WWOX: variants seen among roughly 807,000 people sequenced by gnomAD.
WWOX encodes WW domain containing oxidoreductase.
WWOX carries 69 observed loss-of-function variants against 46.2 expected under a neutral mutation model. The observed-to-expected ratio is 1.49, with a 90% CI of 1.23 to 1.82. The LOEUF is 1.82. Among genes scored for constraint, WWOX ranks in the 40% most tolerant of loss-of-function variants. The pLI is 0.00. For missense variants in WWOX, 919 were observed against 542.6 expected (o/e 1.69, Z -6.89); for synonymous variants, 359 against 202.6 (o/e 1.77, Z -6.56).
intron 8 of WWOX, among the ~76,000 whole-genome samples, chr16:78,620,066 T>G (rs1277663239): frequency 6.6e-6 from 1 of 152,152 alleles, no homozygotes; most frequent in African/African-American, 2.4e-5. Flanking sequence ...GAAGATCATC[T>G]CTAATTAATA....
intron 8 of WWOX, among the ~76,000 whole-genome samples, chr16:78,951,110 C>T (rs1352976803): frequency 2.0e-5 from 3 of 152,172 alleles, no homozygotes; most frequent in Admixed American, 6.5e-5. Flanking sequence ...ACAAACACAG[C>T]CCTAACTTGC....
At chr16:78,513,525 TCCAC>T (rs2085413914) in intron 8 of WWOX, among the ~76,000 whole-genome samples, 1 of 152,196 alleles carries the variant, frequency 6.6e-6, no homozygotes, top group Non-Finnish European at 1.5e-5. Context: ...TGGGTTGAAT[TCCAC>T]CTTGGGTTCA....
intron 5 of WWOX, among the ~76,000 whole-genome samples, chr16:78,288,159 A>C (rs2079800629): frequency 6.6e-6 from 1 of 152,176 alleles, no homozygotes; most frequent in East Asian, 1.9e-4. Context: ...TAGGTTTTTA[A>C]ATGAAAAACG....
At chr16:79,078,300 A>G (rs17648647) in intron 8 of WWOX, 1 of 151,996 alleles carries the variant, frequency 6.6e-6, no homozygotes, top group East Asian at 1.9e-4. Context: ...TAGGTTGACA[A>G]ATTCCCCTGA....
intron 5 of WWOX, among the ~76,000 whole-genome samples, chr16:78,325,131 C>T (rs1355004686): frequency 6.6e-6 from 1 of 152,134 alleles, no homozygotes; most frequent in Non-Finnish European, 1.5e-5. Context: ...GCTGTGGCAG[C>T]CTTTAAAGCT....
At chr16:78,717,213 T>C (rs942866356) in intron 8 of WWOX, among the ~76,000 whole-genome samples, 2 of 152,200 alleles carry the variant, frequency 1.3e-5, no homozygotes, top group Non-Finnish European at 2.9e-5. Context: ...GTGTGTTTTT[T>C]AAATTTAATT....
At chr16:78,971,643 T>A (rs576402649) in intron 8 of WWOX, among the ~76,000 whole-genome samples, 20 of 152,114 alleles carry the variant, frequency 1.3e-4, no homozygotes, top group African/African-American at 4.6e-4. Flanking sequence ...ATTGTTACAA[T>A]ATCCCTTATA....
At chr16:78,800,657 C>A (rs1168926956) in intron 8 of WWOX, among the ~76,000 whole-genome samples, 1 of 152,182 alleles carries the variant, frequency 6.6e-6, no homozygotes, top group Non-Finnish European at 1.5e-5. Context: ...AAGCTGAGAA[C>A]AGCAAAGATT....
intron 8 of WWOX, among the ~76,000 whole-genome samples, chr16:78,617,421 G>C (rs575882874): frequency 7.1e-6 from 1 of 140,092 alleles, no homozygotes; most frequent in Admixed American, 7.2e-5. Context: ...AAAAAAAAAA[G>C]TGACCACACT....
intron 8 of WWOX, among the ~76,000 whole-genome samples, chr16:78,537,515 T>A (rs1183395587): frequency 6.6e-6 from 1 of 152,206 alleles, no homozygotes; most frequent in Non-Finnish European, 1.5e-5. Flanking sequence ...ATCATATGAT[T>A]TACCTCTTCT....
intron 8 of WWOX, among the ~76,000 whole-genome samples, chr16:78,553,858 C>T (rs750858775): frequency 6.6e-5 from 10 of 151,906 alleles, no homozygotes; most frequent in Non-Finnish European, 1.2e-4. Flanking sequence ...TGTGGCTGCC[C>T]GGAGAGCTTG....
At chr16:78,742,178 C>A (rs958167254) in intron 8 of WWOX, among the ~76,000 whole-genome samples, 1 of 152,154 alleles carries the variant, frequency 6.6e-6, no homozygotes, top group Non-Finnish European at 1.5e-5. Context: ...GATTGTACAT[C>A]GTTTGTCGAT....
At chr16:78,234,800 A>AGC (rs1379201671) in intron 5 of WWOX, among the ~76,000 whole-genome samples, 1 of 41,936 alleles carries the variant, frequency 2.4e-5, no homozygotes, top group Non-Finnish European at 3.9e-5. Context: ...ACAAAAAAAC[A>AGC]ACAAAAAAAA....
chr16:78,843,784 A>T (rs1023117400), intron 8 of WWOX, among the ~76,000 whole-genome samples: 1 of 152,218 alleles, frequency 6.6e-6, no homozygotes, highest in Non-Finnish European at 1.5e-5. Context: ...AAAGCAATTT[A>T]TTATGTTTTT....
chr16:78,954,128 A>G (rs2046117645), intron 8 of WWOX, among the ~76,000 whole-genome samples: 1 of 152,130 alleles, frequency 6.6e-6, no homozygotes, highest in South Asian at 2.1e-4. Context: ...AATTGTTAAG[A>G]TCTGCCATAA....
At chr16:78,109,700 G>C (rs2032373072) in intron 2 of WWOX, 78 bp from the exon 3 acceptor site, 2 of 1,493,930 alleles carry the variant, frequency 1.3e-6, no homozygotes, top group Non-Finnish European at 1.9e-6. Flanking sequence ...GGGGCTGGGA[G>C]GGCTCCTTCC....
chr16:78,665,504 C>A (rs1241746519), intron 8 of WWOX, among the ~76,000 whole-genome samples: 1 of 152,050 alleles, frequency 6.6e-6, no homozygotes. Flanking sequence ...GGGCAAGAGA[C>A]GTGTGTCTCC....
chr16:78,220,411 A>AG (rs11411324), intron 5 of WWOX, among the ~76,000 whole-genome samples: 128,324 of 152,034 alleles, frequency 0.84, 54,657 homozygotes, highest in African/African-American at 0.96. Flanking sequence ...AACATATAAC[A>AG]ATGCTATTTT....
chr16:79,074,020 C>A (rs773997092), intron 8 of WWOX, among the ~76,000 whole-genome samples: 1 of 151,872 alleles, frequency 6.6e-6, no homozygotes, highest in Non-Finnish European at 1.5e-5. Context: ...AGCCTTTCAC[C>A]ATGGTTAGTT....
Sources: gnomAD v4.1 joint callset for allele counts (sites outside exome capture counted in the v4.1 genomes callset) on GRCh38, gnomAD v4.1.1 for gene constraint, MANE v1.5 for transcripts, NCBI Gene and HGNC (gene_info 2026-07-23, HGNC 2026-07-21) for gene names.